ENOX1: variants seen among roughly 807,000 people sequenced by gnomAD.
ENOX1 encodes candidate growth-related and time keeping constitutive hydroquinone (NADH) oxidase.
ENOX1 carries 42 observed loss-of-function variants against 82.5 expected under a neutral mutation model. The ratio of observed to expected loss-of-function variants is 0.51; its 90% CI spans 0.40 to 0.66. The LOEUF (loss-of-function observed/expected upper bound fraction) is 0.66, where lower values mean the gene tolerates loss of function less well. Ranked by LOEUF, ENOX1 falls within the 30% of genes least tolerant of loss-of-function variation. The probability of loss-of-function intolerance (pLI) is 0.00; values close to 1 mark genes in which losing one functional copy is unlikely to be tolerated. For missense variants in ENOX1, 608 were observed against 811.6 expected, an observed-to-expected ratio of 0.75 and a Z score of 3.05; for synonymous variants, 271 against 282.2, an observed-to-expected ratio of 0.96 and a Z score of 0.40.
chr13:43,603,075 A>T (rs534037462), intron 2 of ENOX1, among the ~76,000 whole-genome samples: 1 of 152,266 alleles, frequency 6.6e-6, no homozygotes, highest in Admixed American at 6.5e-5. Flanking sequence ...ATTATAATGA[A>T]GATGATGGAA....
chr13:43,642,595 C>T (rs939193858), intron 2 of ENOX1, among the ~76,000 whole-genome samples: 7 of 152,140 alleles, frequency 4.6e-5, no homozygotes, highest in Admixed American at 2.0e-4. Context: ...AGGGCAGAAG[C>T]ACCCAAGAGA....
intron 16 of ENOX1, 136 bp from the exon 17 acceptor site, chr13:43,214,257 T>C (rs1251321625): frequency 2.0e-5 from 17 of 858,452 alleles, no homozygotes; most frequent in Admixed American, 1.8e-4. Context: ...GATGTCCTTA[T>C]AGAAGGAACA....
intron 2 of ENOX1, among the ~76,000 whole-genome samples, chr13:43,503,737 C>T (rs753320712): frequency 1.3e-5 from 2 of 151,470 alleles, no homozygotes; most frequent in Admixed American, 6.6e-5. Context: ...ATGGAAGACC[C>T]GAAACCACAA....
At chr13:43,322,747 G>C (rs2047889457) in intron 10 of ENOX1, among the ~76,000 whole-genome samples, 1 of 152,130 alleles carries the variant, frequency 6.6e-6, no homozygotes, top group African/African-American at 2.4e-5. Flanking sequence ...AATCTCTCTT[G>C]AGTCTCAATT....
intron 2 of ENOX1, among the ~76,000 whole-genome samples, chr13:43,493,066 C>G (rs1006609872): frequency 2.0e-5 from 3 of 152,182 alleles, no homozygotes; most frequent in African/African-American, 7.2e-5. Context: ...CTGGCCTACC[C>G]TGCAGATTTT....
At chr13:43,433,840 T>G (rs77563888) in intron 3 of ENOX1, among the ~76,000 whole-genome samples, 5,547 of 152,270 alleles carry the variant, frequency 0.036, 141 homozygotes, top group South Asian at 0.09. Context: ...AAACTGATCC[T>G]GGGAAACTGA....
intron 2 of ENOX1, among the ~76,000 whole-genome samples, chr13:43,628,242 T>C (rs1386619832): frequency 6.6e-6 from 1 of 152,154 alleles, no homozygotes; most frequent in Non-Finnish European, 1.5e-5. Context: ...GAATGTTAGA[T>C]GTTTTGTTAT....
intron 5 of ENOX1, among the ~76,000 whole-genome samples, chr13:43,384,523 A>T (rs2052282404): frequency 6.6e-6 from 1 of 152,164 alleles, no homozygotes; most frequent in Non-Finnish European, 1.5e-5. Flanking sequence ...AGATAACAAA[A>T]CTGGGACTCA....
intron 1 of ENOX1, among the ~76,000 whole-genome samples, chr13:43,668,802 T>A (rs2085114490): frequency 6.6e-6 from 1 of 152,186 alleles, no homozygotes; most frequent in Admixed American, 6.5e-5. Flanking sequence ...CTTCCTGAGC[T>A]GAGTATTGAA....
At chr13:43,386,321 C>A (rs1429143403) in intron 5 of ENOX1, among the ~76,000 whole-genome samples, 6 of 152,256 alleles carry the variant, frequency 3.9e-5, no homozygotes, top group South Asian at 2.1e-4. Flanking sequence ...TATGAAATTT[C>A]TTTGTAATAA....
intron 15 of ENOX1, among the ~76,000 whole-genome samples, chr13:43,229,139 CTT>C (rs1436201706): frequency 6.6e-6 from 1 of 152,312 alleles, no homozygotes; most frequent in South Asian, 2.1e-4. Context: ...GTTCTTCTCT[CTT>C]GTTTGCTGCC....
intron 3 of ENOX1, among the ~76,000 whole-genome samples, chr13:43,416,428 C>CA (rs2054567368): frequency 7.1e-6 from 1 of 140,386 alleles, no homozygotes; most frequent in South Asian, 2.3e-4. Flanking sequence ...CCAGACGGGG[C>CA]GGCCGGGCAG....
chr13:43,543,440 T>C (rs1486597118), intron 2 of ENOX1, among the ~76,000 whole-genome samples: 1 of 152,134 alleles, frequency 6.6e-6, no homozygotes, highest in African/African-American at 2.4e-5. Flanking sequence ...ATTGTGTGGG[T>C]ATATGTAAAT....
intron 2 of ENOX1, among the ~76,000 whole-genome samples, chr13:43,622,298 T>C (rs1048742075): frequency 6.6e-6 from 1 of 152,178 alleles, no homozygotes; most frequent in Admixed American, 6.6e-5. Context: ...TGGTGTGATA[T>C]TTTTGGGGGG....
chr13:43,641,478 A>G (rs1200519155), intron 2 of ENOX1, among the ~76,000 whole-genome samples: 2 of 151,936 alleles, frequency 1.3e-5, no homozygotes, highest in South Asian at 4.2e-4. Flanking sequence ...GATTTAAATC[A>G]ATACAACTGA....
chr13:43,512,621 T>C (rs1047493706), intron 2 of ENOX1, among the ~76,000 whole-genome samples: 1 of 102,968 alleles, frequency 9.7e-6, no homozygotes, highest in African/African-American at 4.4e-5. Flanking sequence ...TGTGTGGGTT[T>C]TTTTTTTTTT....
intron 2 of ENOX1, among the ~76,000 whole-genome samples, chr13:43,654,509 C>T (rs770491304): frequency 6.6e-6 from 1 of 152,118 alleles, no homozygotes; most frequent in Non-Finnish European, 1.5e-5. Context: ...CAGTGTAGAA[C>T]TAAAAAAGTG....
intron 3 of ENOX1, among the ~76,000 whole-genome samples, chr13:43,433,611 C>T (rs1252773268): frequency 1.3e-5 from 2 of 152,132 alleles, no homozygotes; most frequent in African/African-American, 4.8e-5. Context: ...AAATCCTATC[C>T]ATAATTTCCT....
intron 1 of ENOX1, among the ~76,000 whole-genome samples, chr13:43,687,756 AAG>A (rs1460546589): frequency 6.6e-5 from 10 of 152,236 alleles, no homozygotes; most frequent in African/African-American, 2.2e-4. Flanking sequence ...CAGTGGGAGA[AAG>A]AGAGATAAAT....
Sources: allele counts gnomAD v4.1 joint callset (sites outside exome capture counted in the v4.1 genomes callset), GRCh38; gene constraint gnomAD v4.1.1; transcripts MANE v1.5; gene names NCBI Gene and HGNC (gene_info 2026-07-23, HGNC 2026-07-21).